CCSER1: variants seen among roughly 807,000 people sequenced by gnomAD.
CCSER1 encodes coiled-coil serine rich protein 1.
In CCSER1, 41 loss-of-function variants were observed where a neutral mutation model predicts 82.0. The observed-to-expected ratio is 0.50, with a 90% confidence interval of 0.39 to 0.65. The LOEUF is 0.65. Among genes scored for constraint, CCSER1 ranks in the 30% least tolerant of loss-of-function variants. The pLI is 0.00. For missense variants in CCSER1, 1,119 were observed against 1,064.2 expected (o/e 1.05, Z -0.72); for synonymous variants, 414 against 383.9 (o/e 1.08, Z -0.92).
intron 1 of CCSER1, among the ~76,000 whole-genome samples, chr4:90,177,472 G>C (rs1439208778): frequency 2.6e-5 from 4 of 152,142 alleles, no homozygotes; most frequent in Admixed American, 2.6e-4. Flanking sequence ...TGTTTGAGGA[G>C]TCAGTATGTG....
chr4:90,742,724 C>T (rs1036726485), intron 7 of CCSER1, among the ~76,000 whole-genome samples: 1 of 152,144 alleles, frequency 6.6e-6, no homozygotes, highest in Non-Finnish European at 1.5e-5. Context: ...TTTTGCCATG[C>T]ATGAAATTCT....
At chr4:90,153,713 A>G (rs925281354) in intron 1 of CCSER1, among the ~76,000 whole-genome samples, 4 of 151,980 alleles carry the variant, frequency 2.6e-5, no homozygotes, top group South Asian at 2.1e-4. Context: ...CATATCCTTC[A>G]CCCACTTTTT....
At chr4:90,497,950 T>C (rs1460046579) in intron 5 of CCSER1, among the ~76,000 whole-genome samples, 1 of 136,474 alleles carries the variant, frequency 7.3e-6, no homozygotes, top group Non-Finnish European at 1.6e-5. Context: ...GAACAGTCTC[T>C]TTTTTTTTTT....
chr4:91,262,625 C>A (rs1337540474), intron 10 of CCSER1, among the ~76,000 whole-genome samples: 1 of 152,008 alleles, frequency 6.6e-6, no homozygotes, highest in South Asian at 2.1e-4. Context: ...ATTTCTATTA[C>A]ATTCTTACCA....
chr4:91,408,794 A>T (rs958450951), intron 10 of CCSER1, among the ~76,000 whole-genome samples: 1 of 152,244 alleles, frequency 6.6e-6, no homozygotes, highest in South Asian at 2.1e-4. Flanking sequence ...AGGATGATAC[A>T]GCTGTGAAGG....
chr4:90,558,219 T>C (rs901721691), intron 5 of CCSER1, among the ~76,000 whole-genome samples: 22 of 152,164 alleles, frequency 1.4e-4, no homozygotes, highest in Admixed American at 1.2e-3. Flanking sequence ...TTCTCTAGCA[T>C]AGCTGGGTTG....
At chr4:90,972,012 A>G (rs1735159537) in intron 9 of CCSER1, among the ~76,000 whole-genome samples, 1 of 151,954 alleles carries the variant, frequency 6.6e-6, no homozygotes, top group Non-Finnish European at 1.5e-5. Flanking sequence ...CAAAGGCTGT[A>G]TGTGAAACAC....
chr4:90,170,002 A>G (rs947916046), intron 1 of CCSER1, among the ~76,000 whole-genome samples: 11 of 151,734 alleles, frequency 7.2e-5, no homozygotes, highest in African/African-American at 2.7e-4. Flanking sequence ...TGTCACCTAG[A>G]TAGATAATTC....
chr4:90,737,772 G>T (rs1418007812), intron 7 of CCSER1, among the ~76,000 whole-genome samples: 1 of 145,530 alleles, frequency 6.9e-6, no homozygotes, highest in Non-Finnish European at 1.5e-5. Flanking sequence ...AGATTTTGTA[G>T]GTGTGCTTCA....
intron 10 of CCSER1, among the ~76,000 whole-genome samples, chr4:91,448,948 A>G (rs1348255446): frequency 6.6e-6 from 1 of 152,006 alleles, no homozygotes; most frequent in Non-Finnish European, 1.5e-5. Context: ...GGGAATAAGA[A>G]TAGTGATGGG....
chr4:90,950,268 T>C (rs534597713), intron 9 of CCSER1, among the ~76,000 whole-genome samples: 2 of 152,190 alleles, frequency 1.3e-5, no homozygotes, highest in South Asian at 2.1e-4. Context: ...AATTAATGAG[T>C]TTGATTTTTA....
intron 3 of CCSER1, among the ~76,000 whole-genome samples, chr4:90,387,237 A>C (rs1366500706): frequency 6.6e-6 from 1 of 151,526 alleles, no homozygotes; most frequent in African/African-American, 2.4e-5. Context: ...AGCAATGATT[A>C]AAAAAAAACC....
intron 8 of CCSER1, among the ~76,000 whole-genome samples, chr4:90,872,339 G>A (rs1003897427): frequency 6.6e-6 from 1 of 151,124 alleles, no homozygotes; most frequent in Non-Finnish European, 1.5e-5. Flanking sequence ...TACATTTCTT[G>A]CTTTTTATTA....
At chr4:90,982,891 C>T (rs1157807054) in intron 9 of CCSER1, among the ~76,000 whole-genome samples, 1 of 151,720 alleles carries the variant, frequency 6.6e-6, no homozygotes, top group East Asian at 2.0e-4. Flanking sequence ...AGATAGAGTC[C>T]TTAGAAGCAG....
intron 6 of CCSER1, among the ~76,000 whole-genome samples, chr4:90,691,577 A>C (rs1386670167): frequency 2.0e-5 from 3 of 151,000 alleles, no homozygotes; most frequent in African/African-American, 7.3e-5. Flanking sequence ...TCACATGTAT[A>C]ATGCATGTGA....
chr4:91,134,099 A>G (rs1284175038), intron 10 of CCSER1, among the ~76,000 whole-genome samples: 1 of 152,148 alleles, frequency 6.6e-6, no homozygotes, highest in East Asian at 1.9e-4. Context: ...ATTCTGTCTC[A>G]AAAAAAGAGT....
intron 3 of CCSER1, among the ~76,000 whole-genome samples, chr4:90,391,442 G>A (rs1161104294): frequency 3.0e-5 from 2 of 66,628 alleles, no homozygotes; most frequent in Non-Finnish European, 5.5e-5. Context: ...AAATATATGG[G>A]GGTATATATA....
chr4:91,015,506 T>A (rs1158305538), intron 9 of CCSER1: 1 of 152,006 alleles, frequency 6.6e-6, no homozygotes, highest in African/African-American at 2.4e-5. Context: ...TATGAAATTA[T>A]AAAAGTTTTA....
chr4:91,094,617 C>A (rs1160486126), intron 10 of CCSER1, among the ~76,000 whole-genome samples: 1 of 152,150 alleles, frequency 6.6e-6, no homozygotes, highest in African/African-American at 2.4e-5. Context: ...CCTTCAAGAT[C>A]TTCTCTGGGA....
Sources: gnomAD v4.1 joint callset for allele counts (sites outside exome capture counted in the v4.1 genomes callset) on GRCh38, gnomAD v4.1.1 for gene constraint, MANE v1.5 for transcripts, NCBI Gene and HGNC (gene_info 2026-07-23, HGNC 2026-07-21) for gene names.